TMCC2: variants seen among roughly 807,000 people sequenced by gnomAD.
TMCC2 encodes the protein transmembrane and coiled-coil domains protein 2.
Under a neutral mutation model 49.4 loss-of-function variants are expected in TMCC2, and 16 were observed. That is an observed-to-expected ratio of 0.32 (90% CI 0.22 to 0.49). The LOEUF is 0.49. Ranked by LOEUF, TMCC2 falls within the 20% of genes least tolerant of loss-of-function variation. The probability of loss-of-function intolerance (pLI) is 0.99; values close to 1 mark genes in which losing one functional copy is unlikely to be tolerated. For missense variants in TMCC2, 762 were observed against 989.8 expected, an observed-to-expected ratio of 0.77 and a Z score of 3.09; for synonymous variants, 397 against 434.1, an observed-to-expected ratio of 0.91 and a Z score of 1.06.
rs140397839 is a variant in TMCC2 at position 205,241,723 on chromosome 1, C to T, written c.426C>T (p.Pro142=). Residue 142 remains proline (P), a synonymous_variant, in exon 2 of 5, where the codon CCC becomes CCT. Coordinates refer to ENST00000358024, the MANE Select transcript of TMCC2 (RefSeq NM_014858.4). The surrounding 1 kb of genome is among the most constrained non-coding windows in gnomAD (Gnocchi z 7.3). ...VSYAMSLHDL[P]ARPTAFNRVL... ...ACGCCATGTCCCTGCACGACCTGCC[C>T]GCCCGGCCCACCGCCTTCAACCGCG... The T allele has an allele frequency of 1.3e-5, 21 of 1,613,430 alleles. No homozygotes were observed. The East Asian group carries it at 1.3e-4, about 10-fold the overall frequency.
chr1:205,264,734 C>T lies in TMCC2; in HGVS notation c.748-4216C>T, dbSNP rs892358868. Among the ~76,000 whole-genome samples, 9 of 152,104 alleles carry T rather than the reference C, an allele frequency of 5.9e-5. No individual in the cohort carries two copies. Among genetic ancestry groups the T allele is most frequent in the East Asian group, 1.9e-4 (1 of 5,188 alleles). On this transcript the variant is annotated intron_variant, in intron 2 of 4. Coordinates refer to ENST00000358024, the MANE Select transcript of TMCC2 (RefSeq NM_014858.4). The surrounding 1 kb of genome is among the most constrained non-coding windows in gnomAD (Gnocchi z 4.2). Reference sequence around the variant, plus strand: ...CTCCAACTCCTAACCTCAGGTGATCCGCCCGCCTTGGCCTCCCAAAGTGCT... The same window carrying T: ...CTCCAACTCCTAACCTCAGGTGATCTGCCCGCCTTGGCCTCCCAAAGTGCT...
chr1:205,234,432 C>T (rs1558641417), intron 1 of TMCC2, among the ~76,000 whole-genome samples: 2 of 151,834 alleles, frequency 1.3e-5, no homozygotes, highest in Non-Finnish European at 2.9e-5. Context: ...GGCGACAGAG[C>T]GAGACTCTGT....
chr1:205,259,013 G>A (rs564298880), intron 2 of TMCC2, among the ~76,000 whole-genome samples: 19 of 152,290 alleles, frequency 1.2e-4, no homozygotes, highest in Admixed American at 7.8e-4. Context: ...TCGCCTGCTG[G>A]GCTCTGACCC....
intron 2 of TMCC2, among the ~76,000 whole-genome samples, chr1:205,261,016 T>TTTTCAATTCG (rs1449485634): frequency 6.6e-6 from 1 of 152,152 alleles, no homozygotes; most frequent in Non-Finnish European, 1.5e-5. Context: ...TGAATACTCA[T>TTTTCAATTCG]TTTCAATTCG....
Position 205,246,195 on chromosome 1 carries a change from A to C in TMCC2, c.747+4151A>C, listed in dbSNP as rs144507208. Among the ~76,000 whole-genome samples the C allele has an allele frequency of 7.3e-3, 1,104 of 151,828 alleles. 15 individuals carry two copies. Among genetic ancestry groups the C allele is most frequent in the African/African-American group, 0.025 (1,044 of 41,400 alleles). On this transcript the variant is annotated intron_variant, in intron 2 of 4. Coordinates refer to ENST00000358024, the MANE Select transcript of TMCC2 (RefSeq NM_014858.4). ...TGGGCATGACAGAAAGAGAGAAGTCAAATGTGGTTCACAGATTTGCGGCCT... is the reference window on the plus strand; with the variant it reads ...TGGGCATGACAGAAAGAGAGAAGTCCAATGTGGTTCACAGATTTGCGGCCT...
intron 1 of TMCC2, among the ~76,000 whole-genome samples, chr1:205,239,149 G>A (rs908014137): frequency 3.3e-5 from 5 of 152,186 alleles, no homozygotes; most frequent in Non-Finnish European, 7.3e-5. Context: ...TGTTGGAGAA[G>A]CCAGTTTAGG....
intron 2 of TMCC2, among the ~76,000 whole-genome samples, chr1:205,249,614 C>T (rs1660588538): frequency 6.6e-6 from 1 of 152,228 alleles, no homozygotes; most frequent in Admixed American, 6.5e-5. Context: ...ACGAATGCAT[C>T]CACCTTCTGA....
At chr1:205,270,535 G>A (rs918909360) in intron 3 of TMCC2, among the ~76,000 whole-genome samples, 2 of 152,208 alleles carry the variant, frequency 1.3e-5, no homozygotes, top group Non-Finnish European at 2.9e-5. Context: ...CCCTGGGCTT[G>A]TGGGGGGATC....
At position 205,264,516 on chromosome 1, in the gene TMCC2, G is replaced by A. The variant is rs1168717520; in HGVS notation, c.748-4434G>A. 6.7e-6 allele frequency among the ~76,000 whole-genome samples: 1 copy of A among 149,686 alleles called. No homozygotes were observed. Among genetic ancestry groups the A allele is most frequent in the East Asian group, 1.9e-4 (1 of 5,136 alleles). ...TTTTTTTTTTTTGGGACGGAGTCTC[G>A]CTCTGTTGCCCAGGCTGCAGTGCAG... On this transcript the variant is annotated intron_variant, in intron 2 of 4. Transcript: ENST00000358024. The surrounding 1 kb of genome is among the most constrained non-coding windows in gnomAD (Gnocchi z 4.2).
chr1:205,253,809 C>G (rs1660759317), intron 2 of TMCC2, among the ~76,000 whole-genome samples: 1 of 152,214 alleles, frequency 6.6e-6, no homozygotes, highest in Non-Finnish European at 1.5e-5. Context: ...CAGGTACTGT[C>G]TGGAATACTG....
chr1:205,255,196 C>G (rs1414182617), intron 2 of TMCC2, among the ~76,000 whole-genome samples: 3 of 130,082 alleles, frequency 2.3e-5, no homozygotes, highest in Non-Finnish European at 4.9e-5. Context: ...GAGCAAGATC[C>G]TGTCTCAAAA....
Position 205,269,850 on chromosome 1 carries a change from T to G in TMCC2, c.1648T>G (p.Tyr550Asp). The change falls in exon 3 of 5, where the codon TAC becomes GAC. Residue 550 changes from tyrosine (Y) to aspartate (D), a missense_variant. By Grantham distance (160) the Tyr-to-Asp change is radical. Around this residue, in one of 2 missense-constraint regions of TMCC2, gnomAD observed 440 missense variants for 636.7 expected, o/e 0.69. Transcript: ENST00000358024. ...GACTCAGCTGCAGAGGGACTACACC[T>G]ACATGACCCAGTGCCTGCAGGAGGA... ...LKTQLQRDYTYMTQCLQEERY... is the reference protein window; with the variant it reads ...LKTQLQRDYTDMTQCLQEERY... 3 of 1,613,876 alleles carry G rather than the reference T, an allele frequency of 1.9e-6. No individual in the cohort carries two copies. The highest frequency in any genetic ancestry group is 2.5e-6 in the Non-Finnish European group (3 of 1,179,930).
At chr1:205,243,146 G>T (rs941974751) in intron 2 of TMCC2, among the ~76,000 whole-genome samples, 2 of 152,172 alleles carry the variant, frequency 1.3e-5, no homozygotes, top group African/African-American at 4.8e-5. Context: ...AACTCTGGGA[G>T]GCCGAGGTGG....
intron 1 of TMCC2, among the ~76,000 whole-genome samples, chr1:205,231,795 C>G (rs1659809238): frequency 6.6e-6 from 1 of 152,130 alleles, no homozygotes; most frequent in African/African-American, 2.4e-5. Context: ...GGCAGATAAG[C>G]AGTTCTGGTT....
chr1:205,271,062 GGGAGAGAGTGGAAGCTC>G (rs1265323747), intron 3 of TMCC2, 41 bp from the exon 4 acceptor site: 1 of 1,598,148 alleles, frequency 6.3e-7, no homozygotes, highest in Non-Finnish European at 8.5e-7. Flanking sequence ...AATCAACTGT[GGGAGAGAGTGGAAGCTC>G]GGGGAGCCAG....
At position 205,228,546 on chromosome 1, in the gene TMCC2, T is replaced by C. The variant is rs199536910; in HGVS notation, c.-19T>C. On this transcript the variant is annotated 5_prime_UTR_variant, in exon 1 of 5. Transcript: ENST00000358024. ...GGCGCGCTGGAAGGACAGATTCCCC[T>C]TGCCGACCCACATACACCATGAAGA... 150 of 1,583,326 alleles carry C rather than the reference T, an allele frequency of 9.5e-5. No homozygotes were observed. In the African/African-American group the frequency reaches 1.7e-3, roughly 18 times the overall value.
intron 1 of TMCC2, chr1:205,233,775 G>A (rs375954288): frequency 1.3e-5 from 2 of 151,194 alleles, no homozygotes; most frequent in African/African-American, 4.9e-5. Context: ...AGAAGCACCT[G>A]CTTGTTTTCT....
At chr1:205,256,068 C>T in intron 2 of TMCC2, 1 of 593,518 alleles carries the variant, frequency 1.7e-6, no homozygotes, top group East Asian at 3.7e-5. Flanking sequence ...TTTTGGCCTG[C>T]AAGCCCTGGC....
chr1:205,228,557 C>T lies in TMCC2; in HGVS notation c.-8C>T. 4 of 1,600,580 alleles carry T rather than the reference C, an allele frequency of 2.5e-6. No homozygotes were observed. Among genetic ancestry groups the T allele is most frequent in the Non-Finnish European group, 3.4e-6 (4 of 1,170,148 alleles). ...AGGACAGATTCCCCTTGCCGACCCA[C>T]ATACACCATGAAGAGGTGCAGATCG... On this transcript the variant is annotated 5_prime_UTR_variant, in exon 1 of 5. Coordinates refer to ENST00000358024, the MANE Select transcript of TMCC2 (RefSeq NM_014858.4).
Sources: gnomAD v4.1 joint callset for allele counts (sites outside exome capture counted in the v4.1 genomes callset) on GRCh38, gnomAD v4.1.1 for gene constraint, gnomAD v4.1.1 regional missense constraint, Gnocchi (gnomAD v3.1) non-coding constraint, MANE v1.5 for transcripts, NCBI Gene and HGNC (gene_info 2026-07-23, HGNC 2026-07-21) for gene names.